ERBB4: variants seen among roughly 807,000 people sequenced by gnomAD.
ERBB4 encodes receptor tyrosine-protein kinase erbB-4.
Under a neutral mutation model 158.0 loss-of-function variants are expected in ERBB4, and 42 were observed. The observed-to-expected ratio is 0.27, with a 90% CI of 0.21 to 0.34. The LOEUF is 0.34. Among genes scored for constraint, ERBB4 ranks in the 10% least tolerant of loss-of-function variants. ERBB4 has a pLI of 1.00. For synonymous variants in ERBB4, 583 were observed against 558.7 expected, an observed-to-expected ratio of 1.04 and a Z score of -0.61; for missense variants, 1,333 against 1,624.1, an observed-to-expected ratio of 0.82 and a Z score of 3.08.
At chr2:211,829,704 T>G (rs139305945) in intron 3 of ERBB4, among the ~76,000 whole-genome samples, 2 of 152,268 alleles carry the variant, frequency 1.3e-5, no homozygotes, top group East Asian at 3.9e-4. Context: ...CTGAACACCT[T>G]GAGTTTCCTT....
At chr2:212,010,329 G>A (rs1359136335) in intron 2 of ERBB4, among the ~76,000 whole-genome samples, 1 of 152,022 alleles carries the variant, frequency 6.6e-6, no homozygotes, top group African/African-American at 2.4e-5. Flanking sequence ...ATAATCACCA[G>A]GTGTGTATAT....
rs551416334 is a variant in ERBB4, at chr2:211,795,923, T to C, written c.422-7764A>G. 2.0e-5 allele frequency among the ~76,000 whole-genome samples: 3 copies of C among 152,074 alleles called. No homozygotes were observed. In the East Asian group the frequency reaches 5.8e-4, roughly 29 times the overall value. On this transcript the variant is annotated intron_variant, in intron 3 of 27. Transcript: ENST00000342788. ...GATATTGGTGACAACTAGCAGTCTC[T>C]GTTATAGTGACTCAAAAGAAACCTC...
At chr2:211,915,896 C>T (rs2079676361) in intron 3 of ERBB4, among the ~76,000 whole-genome samples, 1 of 151,740 alleles carries the variant, frequency 6.6e-6, no homozygotes, top group Middle Eastern at 3.4e-3. Flanking sequence ...AGGATTTATG[C>T]TAAGTAATTT....
At chr2:211,697,952 A>C (rs916629342) in intron 12 of ERBB4, among the ~76,000 whole-genome samples, 5 of 152,192 alleles carry the variant, frequency 3.3e-5, no homozygotes, top group Non-Finnish European at 7.4e-5. Context: ...TGATGATATA[A>C]AAATGGAAAA....
chr2:211,901,234 T>C (rs1158517450), intron 3 of ERBB4, among the ~76,000 whole-genome samples: 1 of 152,146 alleles, frequency 6.6e-6, no homozygotes, highest in Non-Finnish European at 1.5e-5. Flanking sequence ...AATAAGTCAC[T>C]TAGCTATTTT....
chr2:211,643,254 T>C (rs2070666106), intron 16 of ERBB4, among the ~76,000 whole-genome samples: 2 of 152,134 alleles, frequency 1.3e-5, no homozygotes, highest in Admixed American at 1.3e-4. Flanking sequence ...AAAGAACAGG[T>C]AGAGCTGATG....
chr2:212,190,546 A>G (rs974022212), intron 1 of ERBB4, among the ~76,000 whole-genome samples: 6 of 149,978 alleles, frequency 4.0e-5, no homozygotes, highest in East Asian at 1.9e-4. Context: ...CAAAAAAAAA[A>G]AAAAAAGAAG....
intron 3 of ERBB4, among the ~76,000 whole-genome samples, chr2:211,903,761 C>A (rs1234934026): frequency 7.3e-5 from 11 of 151,606 alleles, no homozygotes. Flanking sequence ...CGATTTCACT[C>A]TGTAGCATTG....
At chr2:212,363,204 T>G (rs1574771995) in intron 1 of ERBB4, among the ~76,000 whole-genome samples, 1 of 151,526 alleles carries the variant, frequency 6.6e-6, no homozygotes, top group Middle Eastern at 3.4e-3. Flanking sequence ...GTGATCAGAC[T>G]AAGTAGCCCA....
At chr2:211,426,125 A>AATAAACAAACAGCACCATAT (rs59567054) in intron 22 of ERBB4, among the ~76,000 whole-genome samples, 1 of 151,922 alleles carries the variant, frequency 6.6e-6, no homozygotes, top group African/African-American at 2.4e-5. Context: ...TAGAAAATAT[A>AATAAACAAACAGCACCATAT]AAATACAAAA....
chr2:211,599,679 T>C (rs1574836118), intron 19 of ERBB4, among the ~76,000 whole-genome samples: 2 of 152,134 alleles, frequency 1.3e-5, no homozygotes, highest in African/African-American at 2.4e-5. Flanking sequence ...AATATTTCTG[T>C]AGCTGTTAAT....
chr2:212,295,514 A>G (rs1237712772), intron 1 of ERBB4, among the ~76,000 whole-genome samples: 2 of 152,094 alleles, frequency 1.3e-5, no homozygotes, highest in Non-Finnish European at 2.9e-5. Context: ...TCTTTCATAC[A>G]CATACACACA....
chr2:211,440,841 C>G lies in ERBB4; in HGVS notation c.2488-9741G>C, dbSNP rs192563515. On this transcript the variant is annotated intron_variant, in intron 20 of 27. Coordinates refer to ENST00000342788, the MANE Select transcript of ERBB4 (RefSeq NM_005235.3). ...TGAAACTCCTAGAGCACTAAAGGCT[C>G]TTATGCAACTTGAGTATCCACATAA... 5.6e-4 allele frequency among the ~76,000 whole-genome samples: 85 copies of G among 152,278 alleles called. 1 individual carries two copies. The highest frequency in any genetic ancestry group is 1.9e-3 in the Admixed American group (29 of 15,294).
At chr2:211,798,317 A>G (rs1362004364) in intron 3 of ERBB4, among the ~76,000 whole-genome samples, 1 of 152,118 alleles carries the variant, frequency 6.6e-6, no homozygotes, top group Non-Finnish European at 1.5e-5. Flanking sequence ...AGATTTATTT[A>G]TGCTGTTGCT....
chr2:212,149,407 G>T (rs2125624728), intron 1 of ERBB4, among the ~76,000 whole-genome samples: 1 of 152,134 alleles, frequency 6.6e-6, no homozygotes, highest in African/African-American at 2.4e-5. Context: ...AATAAAATGG[G>T]TTATAAAGAG....
intron 20 of ERBB4, among the ~76,000 whole-genome samples, chr2:211,479,957 C>A (rs1302757190): frequency 1.3e-5 from 2 of 151,908 alleles, no homozygotes; most frequent in Non-Finnish European, 2.9e-5. Context: ...GAATAAAAAG[C>A]CTCATGGTCT....
At chr2:211,974,451 C>T (rs965269062) in intron 2 of ERBB4, among the ~76,000 whole-genome samples, 2 of 152,108 alleles carry the variant, frequency 1.3e-5, no homozygotes, top group African/African-American at 4.8e-5. Context: ...TTCCTAAAAC[C>T]CTCAGTTGTG....
intron 20 of ERBB4, among the ~76,000 whole-genome samples, chr2:211,519,337 A>T (rs77208426): frequency 0.021 from 3,263 of 152,168 alleles, 100 homozygotes; most frequent in African/African-American, 0.075. Flanking sequence ...TTGGCTGTAA[A>T]TTTCTCTTTT....
chr2:211,516,303 T>C (rs2066030693), intron 20 of ERBB4, among the ~76,000 whole-genome samples: 1 of 151,774 alleles, frequency 6.6e-6, no homozygotes, highest in South Asian at 2.1e-4. Flanking sequence ...CTTTTGTGGG[T>C]TTGTTAAAAC....
Sources: gnomAD v4.1 joint callset for allele counts (sites outside exome capture counted in the v4.1 genomes callset) on GRCh38, gnomAD v4.1.1 for gene constraint, MANE v1.5 for transcripts, NCBI Gene and HGNC (gene_info 2026-07-23, HGNC 2026-07-21) for gene names.